The following RUNX1 variants were observed in gnomAD, a reference collection of about 807,000 sequenced individuals.
RUNX1 encodes the protein RUNX family transcription factor 1.
Under a neutral mutation model 42.8 loss-of-function variants are expected in RUNX1, and 19 were observed. The observed-to-expected ratio is 0.44, with a 90% confidence interval of 0.31 to 0.65. RUNX1 has a LOEUF of 0.65. RUNX1 is among the 30% of genes least tolerant of loss of function. The pLI, the probability that RUNX1 is intolerant of heterozygous loss-of-function variation, is 0.07. For synonymous variants in RUNX1, 271 were observed against 289.4 expected (o/e 0.94, Z 0.64); for missense variants, 528 against 672.0 (o/e 0.79, Z 2.37).
At chr21:34,997,983 C>T (rs1404190244) in intron 2 of RUNX1, among the ~76,000 whole-genome samples, 1 of 152,192 alleles carries the variant, frequency 6.6e-6, no homozygotes, top group Non-Finnish European at 1.5e-5. Flanking sequence ...GTATGGTCAC[C>T]TGGCACATCC....
intron 2 of RUNX1, among the ~76,000 whole-genome samples, chr21:34,996,968 A>T (rs73900764): frequency 0.15 from 22,138 of 152,268 alleles, 1,778 homozygotes; most frequent in Admixed American, 0.22. Context: ...TAGGGTTAAC[A>T]TCTGAGATGA....
intron 7 of RUNX1, among the ~76,000 whole-genome samples, chr21:34,809,748 T>C (rs1047263925): frequency 1.1e-4 from 17 of 152,152 alleles, no homozygotes; most frequent in Non-Finnish European, 2.2e-4. Context: ...AGTTAAGAGC[T>C]GTCGCTGGGG....
rs564663891 is a variant in RUNX1, at chr21:34,947,784, G to A, written c.59-54821C>T. ...GGGACTTCACAGCTGTGCTGTCTAC[G>A]AACCCACTCCTAACTTCCAAACTTT... On this transcript the variant is annotated intron_variant, in intron 2 of 8. Transcript: ENST00000675419. Among the ~76,000 whole-genome samples the A allele has an allele frequency of 2.2e-3, 332 of 152,278 alleles. 2 individuals carry two copies. Among genetic ancestry groups the A allele is most frequent in the Non-Finnish European group, 3.6e-3 (242 of 68,014 alleles).
chr21:34,950,172 A>C (rs2058596048), intron 2 of RUNX1, among the ~76,000 whole-genome samples: 1 of 152,242 alleles, frequency 6.6e-6, no homozygotes, highest in South Asian at 2.1e-4. Flanking sequence ...TCATTGCAAC[A>C]GGTCTTCTAG....
In RUNX1 at chr21:34,849,403, CTA is replaced by C. The variant is rs1247776818; in HGVS notation, c.613+10069_613+10070del. 2.5e-4 allele frequency among the ~76,000 whole-genome samples: 7 copies of C among 28,164 alleles called. 1 individual carries two copies. The highest frequency in any genetic ancestry group is 1.0e-3 in the South Asian group (1 of 974). 18.5% of individuals were successfully genotyped at this position (28,164 alleles called of 152,430 possible). ...TACATAGTATATATAATATATTATA[CTA>C]TATATAATATATTATATAGTATATA... On this transcript the variant is annotated intron_variant, in intron 6 of 8. Transcript: ENST00000675419.
chr21:34,884,216 G>C (rs2057947303), intron 4 of RUNX1, among the ~76,000 whole-genome samples: 1 of 152,218 alleles, frequency 6.6e-6, no homozygotes. Flanking sequence ...CCATGGGAGG[G>C]AAGGAGTAGG....
At chr21:34,830,217 T>C (rs539373273) in intron 7 of RUNX1, among the ~76,000 whole-genome samples, 211 of 152,336 alleles carry the variant, frequency 1.4e-3, no homozygotes, top group African/African-American at 4.7e-3. Context: ...GATAAGCACT[T>C]GGTCCCAATG....
At chr21:35,042,778 T>G (rs2059368421) in intron 2 of RUNX1, among the ~76,000 whole-genome samples, 1 of 152,246 alleles carries the variant, frequency 6.6e-6, no homozygotes, top group Admixed American at 6.5e-5. Flanking sequence ...CCTGCCCGTC[T>G]GCTCAAGCCA....
At chr21:34,940,754 C>T (rs2146631076) in intron 2 of RUNX1, among the ~76,000 whole-genome samples, 1 of 152,320 alleles carries the variant, frequency 6.6e-6, no homozygotes, top group Middle Eastern at 3.4e-3. Context: ...GAAGACGCTT[C>T]ATCTAGAACT....
At chr21:34,811,303 C>T (rs756377141) in intron 7 of RUNX1, among the ~76,000 whole-genome samples, 1 of 152,242 alleles carries the variant, frequency 6.6e-6, no homozygotes, top group Non-Finnish European at 1.5e-5. Flanking sequence ...TGCTTCTGTG[C>T]TCTCTTCCTC....
At chr21:34,975,978 C>T (rs1302032686) in intron 2 of RUNX1, among the ~76,000 whole-genome samples, 5 of 152,060 alleles carry the variant, frequency 3.3e-5, no homozygotes, top group Non-Finnish European at 7.4e-5. Context: ...TGTGTTTTAT[C>T]TGCAGAAGAA....
intron 2 of RUNX1, among the ~76,000 whole-genome samples, chr21:34,893,760 TTAG>T (rs2058105321): frequency 6.7e-6 from 1 of 149,004 alleles, no homozygotes; most frequent in African/African-American, 2.5e-5. Context: ...GCCACAATAT[TTAG>T]TATGCTGTTT....
chr21:35,009,028 G>A (rs2059105790), intron 2 of RUNX1, among the ~76,000 whole-genome samples: 1 of 152,188 alleles, frequency 6.6e-6, no homozygotes, highest in Admixed American at 6.5e-5. Context: ...TTGAATTACA[G>A]GCAATTATCA....
chr21:34,856,883 CT>C (rs746287655), intron 6 of RUNX1, among the ~76,000 whole-genome samples: 30 of 151,848 alleles, frequency 2.0e-4, no homozygotes, highest in Non-Finnish European at 3.2e-4. Context: ...AGTGTCCTCT[CT>C]TTATGTTACA....
intron 2 of RUNX1, among the ~76,000 whole-genome samples, chr21:34,962,981 C>G (rs1297858695): frequency 2.0e-5 from 3 of 152,196 alleles, no homozygotes; most frequent in Admixed American, 6.5e-5. Context: ...AACACCCTTG[C>G]CCAACATCAG....
intron 2 of RUNX1, among the ~76,000 whole-genome samples, chr21:34,988,268 A>T (rs572987955): frequency 3.3e-5 from 5 of 152,102 alleles, no homozygotes; most frequent in Non-Finnish European, 7.4e-5. Flanking sequence ...TCTGCAAAGG[A>T]CTTGTGGACA....
At chr21:34,883,135 C>T (rs1284403184) in intron 4 of RUNX1, among the ~76,000 whole-genome samples, 1 of 152,160 alleles carries the variant, frequency 6.6e-6, no homozygotes, top group African/African-American at 2.4e-5. Flanking sequence ...AGGAGACCTT[C>T]GCCAAGTCGA....
At chr21:34,894,699 C>G (rs184964336) in intron 2 of RUNX1, among the ~76,000 whole-genome samples, 84 of 152,226 alleles carry the variant, frequency 5.5e-4, no homozygotes, top group Non-Finnish European at 6.8e-4. Context: ...TCTCTCTCTT[C>G]CCTACATCCC....
chr21:34,999,501 A>G (rs530507215), intron 2 of RUNX1, among the ~76,000 whole-genome samples: 5 of 152,306 alleles, frequency 3.3e-5, no homozygotes, highest in African/African-American at 1.2e-4. Context: ...CTGACCCCTG[A>G]TCTTTCCAAA....
Sources: allele counts gnomAD v4.1 joint callset (sites outside exome capture counted in the v4.1 genomes callset), GRCh38; gene constraint gnomAD v4.1.1; transcripts MANE v1.5; gene names NCBI Gene and HGNC (gene_info 2026-07-23, HGNC 2026-07-21).